GJA8: variants seen among roughly 807,000 people sequenced by gnomAD.
The protein encoded by GJA8 is gap junction alpha-8 protein.
In GJA8, 13 loss-of-function variants were observed where a neutral mutation model predicts 15.3. The observed-to-expected ratio is 0.85, with a 90% CI of 0.55 to 1.35. The LOEUF (loss-of-function observed/expected upper bound fraction) is 1.35. Ranked by LOEUF, GJA8 falls within the 40% of genes most tolerant of loss-of-function variation. The pLI is 0.00. For synonymous variants in GJA8, 304 were observed against 238.7 expected (o/e 1.27, Z -2.52); for missense variants, 607 against 553.3 (o/e 1.10, Z -0.97).
Position 147,908,808 on chromosome 1 carries a change from G to A in GJA8, c.853G>A (p.Gly285Arg). Residue 285 changes from glycine to arginine, a missense_variant, in exon 2 of 2, where the codon GGG becomes AGG. Physicochemically the swap from Gly to Arg is moderately radical, Grantham distance 125. Transcript: ENST00000369235. ...CCACTATTTCCCCTTGACCGAGGTT[G>A]GGATGGTGGAGACCAGCCCACTGCC... is the stretch of plus-strand genomic sequence containing the variant. Reference protein sequence around the residue: ...VSHYFPLTEVGMVETSPLPAK... With the variant: ...VSHYFPLTEVRMVETSPLPAK... 2 of 1,614,160 alleles carry A rather than the reference G, an allele frequency of 1.2e-6. No homozygotes were observed. Among genetic ancestry groups the A allele is most frequent in the Non-Finnish European group, 1.7e-6 (2 of 1,180,020 alleles).
chr1:147,909,101 A>C lies in GJA8; in HGVS notation c.1146A>C (p.Glu382Asp). 6 of 1,613,328 alleles carry C rather than the reference A, an allele frequency of 3.7e-6. No homozygotes were observed. Among genetic ancestry groups the C allele is most frequent in the Non-Finnish European group, 5.1e-6 (6 of 1,179,636 alleles). The stretch of plus-strand genomic sequence containing the variant: ...CCCCCGGAGTGGATAAGGAGGGTGA[A>C]AAAGAAGAGCCGCAGTCGGAGAAGG... ...VETPGVDKEGEKEEPQSEKVS... is the reference protein window; with the variant it reads ...VETPGVDKEGDKEEPQSEKVS... Residue 382 changes from glutamate to aspartate, a missense_variant, in exon 2 of 2, where the codon GAA becomes GAC. Physicochemically the swap from Glu to Asp is conservative, Grantham distance 45. Transcript: ENST00000369235.
chr1:147,905,325 C>T (rs1209373138), intron 1 of GJA8, among the ~76,000 whole-genome samples: 1 of 152,126 alleles, frequency 6.6e-6, no homozygotes, highest in East Asian at 1.9e-4. Context: ...TGGTTCCTGC[C>T]CTCCAAAACC....
At chr1:147,907,094 C>T (rs1414642622) in intron 1 of GJA8, among the ~76,000 whole-genome samples, 1 of 151,878 alleles carries the variant, frequency 6.6e-6, no homozygotes, top group African/African-American at 2.4e-5. Context: ...ACTGTGTTGC[C>T]CAGGCTAGTC....
chr1:147,908,714 C>T lies in GJA8; in HGVS notation c.759C>T (p.His253=), dbSNP rs782286345. The T allele has an allele frequency of 3.7e-6, 6 of 1,614,136 alleles. No homozygotes were observed. In the South Asian group the frequency reaches 4.4e-5, roughly 12 times the overall value. The change falls in exon 2 of 2, where the codon CAC becomes CAT. Residue 253 remains histidine, a synonymous_variant. Coordinates refer to ENST00000369235, the MANE Select transcript of GJA8 (RefSeq NM_005267.5). The part of the protein sequence containing the change: ...PLGEIPEKSL[H]SIAVSSIQKA... ...GGGAGATTCCTGAGAAATCCCTCCACTCCATTGCTGTCTCCTCCATCCAGA... is the reference window on the plus strand; with the variant it reads ...GGGAGATTCCTGAGAAATCCCTCCATTCCATTGCTGTCTCCTCCATCCAGA...
In GJA8 at chr1:147,908,366, C is replaced by A. The variant is rs782388266; in HGVS notation, c.411C>A (p.Gly137=). 1.9e-6 allele frequency: 3 copies of A among 1,614,216 alleles called. No homozygotes were observed. The highest frequency in any genetic ancestry group is 2.5e-6 in the Non-Finnish European group (3 of 1,180,040). Residue 137 remains glycine, a synonymous_variant, in exon 2 of 2, where the codon GGC becomes GGA. Coordinates refer to ENST00000369235, the MANE Select transcript of GJA8 (RefSeq NM_005267.5). The part of the protein sequence containing the change: ...GSVKKSSGSK[G]TKKFRLEGTL... Reference sequence around the variant, plus strand: ...TCAAGAAGAGCAGCGGCAGCAAAGGCACTAAGAAGTTCCGGCTGGAGGGGA... The same window carrying A: ...TCAAGAAGAGCAGCGGCAGCAAAGGAACTAAGAAGTTCCGGCTGGAGGGGA...
Position 147,907,991 on chromosome 1 carries a change from G to A in GJA8, c.36G>A (p.Glu12=), listed in dbSNP as rs1553242514. Residue 12 remains glutamate (E), a synonymous_variant, in exon 2 of 2, where the codon GAG becomes GAA. Transcript: ENST00000369235. ...GGAGTTTCCTGGGGAACATCTTGGA[G>A]GAGGTGAATGAGCACTCCACCGTCA... ...GDWSFLGNIL[E]EVNEHSTVIG... 2.5e-6 allele frequency: 4 copies of A among 1,613,946 alleles called. No individual in the cohort carries two copies. Among genetic ancestry groups the A allele is most frequent in the Non-Finnish European group, 1.7e-6 (2 of 1,179,956 alleles).
downstream of GJA8, among the ~76,000 whole-genome samples, chr1:147,912,976 A>G (rs1553243677): frequency 6.6e-6 from 1 of 152,084 alleles, no homozygotes; most frequent in African/African-American, 2.4e-5. Context: ...CCTGCCACAC[A>G]GGGAAGCATC....
chr1:147,912,681 C>A (rs1360107825), downstream of GJA8, among the ~76,000 whole-genome samples: 1 of 151,910 alleles, frequency 6.6e-6, no homozygotes, highest in Non-Finnish European at 1.5e-5. Context: ...AGATAAAAAC[C>A]CTAGGGCACA....
intron 1 of GJA8, among the ~76,000 whole-genome samples, chr1:147,907,121 A>G (rs1651829504): frequency 6.6e-6 from 1 of 152,048 alleles, no homozygotes; most frequent in Non-Finnish European, 1.5e-5. Context: ...TCCTGGGCTC[A>G]AGTGATTCTC....
chr1:147,908,161 C>A lies in GJA8; in HGVS notation c.206C>A (p.Ala69Asp), dbSNP rs369615842. The change falls in exon 2 of 2, where the codon GCC (alanine) becomes GAC (aspartate). Residue 69 changes from alanine (A) to aspartate (D), a missense_variant. Coordinates refer to ENST00000369235, the MANE Select transcript of GJA8 (RefSeq NM_005267.5). ...PGCENVCYDE[A>D]FPISHIRLWV... is the part of the protein sequence containing the mutation. The stretch of plus-strand genomic sequence containing the variant: ...TGCGAGAACGTCTGCTACGACGAGG[C>A]CTTTCCCATCTCCCACATTCGCCTC... 1.2e-6 allele frequency: 2 copies of A among 1,614,096 alleles called. No individual in the cohort carries two copies. Among genetic ancestry groups the A allele is most frequent in the African/African-American group, 1.3e-5 (1 of 74,946 alleles).
rs1571176130 is a variant in GJA8 at position 147,908,241 on chromosome 1, G to A, written c.286G>A (p.Ala96Thr). The stretch of plus-strand genomic sequence containing the variant: ...CCCGTCCCTGATGTACGTGGGGCAC[G>A]CGGTGCACTACGTCCGCATGGAGGA... ...STPSLMYVGH[A>T]VHYVRMEEKR... Residue 96 changes from alanine (A) to threonine (T), a missense_variant, in exon 2 of 2, where the codon GCG becomes ACG. Coordinates refer to ENST00000369235, the MANE Select transcript of GJA8 (RefSeq NM_005267.5). 2 of 1,614,186 alleles carry A rather than the reference G, an allele frequency of 1.2e-6. No homozygotes were observed. The highest frequency in any genetic ancestry group is 1.7e-6 in the Non-Finnish European group (2 of 1,180,026).
At chr1:147,913,703 G>C (rs587611832), downstream of GJA8, among the ~76,000 whole-genome samples, 1 of 152,236 alleles carries the variant, frequency 6.6e-6, no homozygotes, top group Non-Finnish European at 1.5e-5. Context: ...CACCCCAACT[G>C]CATGTCCCAT....
downstream of GJA8, among the ~76,000 whole-genome samples, chr1:147,913,658 G>T (rs587741641): frequency 2.6e-5 from 4 of 152,256 alleles, no homozygotes; most frequent in Non-Finnish European, 5.9e-5. Context: ...CCCGAGAAGG[G>T]TCATTAGGCG....
downstream of GJA8, among the ~76,000 whole-genome samples, chr1:147,912,312 G>A (rs587742101): frequency 2.0e-5 from 3 of 152,248 alleles, no homozygotes; most frequent in Admixed American, 2.0e-4. Flanking sequence ...TAGTTACCTG[G>A]TGAGTTTTTC....
chr1:147,909,281 A>AC (rs1553243091), downstream of GJA8: 11 of 1,530,626 alleles, frequency 7.2e-6, no homozygotes, highest in Non-Finnish European at 9.9e-6. Flanking sequence ...AAAAAAAAAA[A>AC]AACGCCCAAG....
chr1:147,909,967 C>T (rs1356847241), downstream of GJA8, among the ~76,000 whole-genome samples: 2 of 152,152 alleles, frequency 1.3e-5, no homozygotes, highest in African/African-American at 2.4e-5. Flanking sequence ...TCAAGTGATC[C>T]TCTCACCTTA....
chr1:147,907,759 A>C (rs1167153848), intron 1 of GJA8, among the ~76,000 whole-genome samples, 186 bp from the exon 2 acceptor site: 2 of 152,178 alleles, frequency 1.3e-5, no homozygotes, highest in Non-Finnish European at 2.9e-5. Context: ...ATGGAAGCAC[A>C]TTCTTCGGGG....
intron 1 of GJA8, among the ~76,000 whole-genome samples, chr1:147,903,507 T>A (rs1438834286): frequency 6.6e-6 from 1 of 152,196 alleles, no homozygotes; most frequent in Non-Finnish European, 1.5e-5. Flanking sequence ...GATGTATATG[T>A]GTTATTCTGC....
At chr1:147,909,319 G>A, downstream of GJA8, 1 of 1,218,930 alleles carries the variant, frequency 8.2e-7, no homozygotes, top group Middle Eastern at 1.9e-4. Flanking sequence ...GAAAGGAACA[G>A]GTGCCAACAT....
Sources: allele counts gnomAD v4.1 joint callset (sites outside exome capture counted in the v4.1 genomes callset), GRCh38; gene constraint gnomAD v4.1.1; transcripts MANE v1.5; gene names NCBI Gene and HGNC (gene_info 2026-07-23, HGNC 2026-07-21).